Variants in SASH1 observed in about 807,000 individuals in gnomAD.
SASH1 encodes SAM and SH3 domain-containing protein 1.
Under a neutral mutation model 125.2 loss-of-function variants are expected in SASH1, and 44 were observed. That is an observed-to-expected ratio of 0.35 (90% confidence interval 0.28 to 0.45). The LOEUF is 0.45. SASH1 is among the 20% of genes least tolerant of loss of function. SASH1 has a pLI of 1.00. For missense variants in SASH1, 1,426 were observed against 1,614.5 expected, an observed-to-expected ratio of 0.88 and a Z score of 2.00; for synonymous variants, 639 against 649.1, an observed-to-expected ratio of 0.98 and a Z score of 0.24.
At chr6:148,216,947 G>C in the SASH1 span, among the ~76,000 whole-genome samples, 1 of 151,932 alleles carries the variant, frequency 6.6e-6, no homozygotes, top group African/African-American at 2.4e-5. Flanking sequence ...GGCTGGTCTC[G>C]ATCTCCTGAC....
chr6:148,466,748 T>C lies in SASH1; in HGVS notation c.387-1797T>C, dbSNP rs530495490. On this transcript the variant is annotated intron_variant, in intron 4 of 19. Transcript: ENST00000367467. ...ATACCCAGTTGAACTTTTTAGAAGT[T>C]TTTTTTTTAAAGAGACAGTGTCTCA... is the stretch of plus-strand genomic sequence containing the variant. Among the ~76,000 whole-genome samples the C allele has an allele frequency of 1.2e-3, 180 of 151,372 alleles. 2 individuals carry two copies. The highest frequency in any genetic ancestry group is 4.5e-3 in the Admixed American group (69 of 15,188).
At chr6:148,539,849 G>C (rs55670014) in intron 16 of SASH1, among the ~76,000 whole-genome samples, 1 of 152,024 alleles carries the variant, frequency 6.6e-6, no homozygotes, top group East Asian at 1.9e-4. Flanking sequence ...TTTGTGCCTC[G>C]TCTTGCCAGC....
chr6:148,519,402 G>A lies in SASH1; in HGVS notation c.863-145G>A. The A allele has an allele frequency of 3.2e-6, 2 of 626,506 alleles. No homozygotes were observed. The allele number at this position is 626,506 out of a possible 1,614,324, so 38.8% of individuals were successfully genotyped here. A position where few individuals can be genotyped will look rare whatever the true frequency, so the allele number is the denominator to read the frequency against. On this transcript the variant is annotated intron_variant, in intron 9 of 19. Coordinates refer to ENST00000367467, the MANE Select transcript of SASH1 (RefSeq NM_015278.5). The surrounding 1 kb of genome is among the most constrained non-coding windows in gnomAD (Gnocchi z 4.8). ...ATGTGAAACCATGTATTTGCACAGT[G>A]TATTTTCATTTTTCTGTACATATGT...
intron 2 of SASH1, among the ~76,000 whole-genome samples, chr6:148,408,404 C>A (rs531056454): frequency 2.0e-5 from 3 of 152,080 alleles, no homozygotes; most frequent in African/African-American, 7.2e-5. Context: ...CCACGCCCAG[C>A]GCATCTTTTC....
chr6:148,402,461 C>T (rs981468922), intron 2 of SASH1, among the ~76,000 whole-genome samples: 1 of 151,998 alleles, frequency 6.6e-6, no homozygotes, highest in African/African-American at 2.4e-5. Flanking sequence ...AGGCGTGTAC[C>T]ACCATGCCGG....
chr6:148,453,951 G>A (rs1206988236), intron 4 of SASH1, among the ~76,000 whole-genome samples: 1 of 152,174 alleles, frequency 6.6e-6, no homozygotes. Flanking sequence ...AGCCCGTGCT[G>A]GCTGCACAGG....
intron 4 of SASH1, among the ~76,000 whole-genome samples, chr6:148,442,520 T>TTC (rs149857765): frequency 3.3e-5 from 5 of 150,296 alleles, no homozygotes; most frequent in African/African-American, 7.3e-5. Context: ...CTCCTGAGCT[T>TTC]TCTCTCTCTC....
At position 148,487,678 on chromosome 6, in the gene SASH1, G is replaced by T; in HGVS notation, c.692G>T (p.Gly231Val). Reference protein sequence around the residue: ...AALDPADWPDGSYPTFDGSSN... With the variant: ...AALDPADWPDVSYPTFDGSSN... ...CTGGACCCTGCTGACTGGCCAGATG[G>T]TTCTTACCCAACGTTTGATGGCTCA... Residue 231 changes from glycine (G) to valine (V), a missense_variant, in exon 8 of 20, where the codon GGT (glycine) becomes GTT (valine). By Grantham distance (109) the Gly-to-Val change is moderately radical. Transcript: ENST00000367467. 1 of 1,613,644 alleles carries T rather than the reference G, an allele frequency of 6.2e-7. No individual in the cohort carries two copies. Among genetic ancestry groups the T allele is most frequent in the Non-Finnish European group, 8.5e-7 (1 of 1,179,780 alleles).
intron 1 of SASH1, among the ~76,000 whole-genome samples, chr6:148,375,588 A>C (rs1782860713): frequency 6.6e-6 from 1 of 152,228 alleles, no homozygotes; most frequent in South Asian, 2.1e-4. Flanking sequence ...AATTGAGATC[A>C]TCTTGAGGGG....
At chr6:148,351,193 T>C (rs1477911658) in intron 1 of SASH1, among the ~76,000 whole-genome samples, 3 of 17,074 alleles carry the variant, frequency 1.8e-4, no homozygotes, top group Non-Finnish European at 4.4e-4. Flanking sequence ...CGATAGTAGT[T>C]TTTTTTTTTT....
In SASH1 at chr6:148,537,776, C is replaced by CTGTGTGTGTGTG. The variant is rs55644027; in HGVS notation, c.2096-2622_2096-2611dup. Among the ~76,000 whole-genome samples the CTGTGTGTGTGTG allele has an allele frequency of 7.9e-3, 992 of 125,622 alleles. 11 individuals carry two copies. Among genetic ancestry groups the CTGTGTGTGTGTG allele is most frequent in the Middle Eastern group, 0.016 (4 of 246 alleles). The allele number at this position is 125,622 out of a possible 152,430, so 82.4% of individuals were successfully genotyped here. ...ATATTCATAGGTGTCTTAGCATATT[C>CTGTGTGTGTGTG]TGTGTGTGTGTGTGTGTGTGTGTGT... On this transcript the variant is annotated intron_variant, in intron 16 of 19. Transcript: ENST00000367467.
chr6:148,250,572 T>TA, the SASH1 span, among the ~76,000 whole-genome samples: 9,447 of 141,306 alleles, frequency 0.067, 328 homozygotes, highest in Admixed American at 0.1. Flanking sequence ...GCCTTAGTCT[T>TA]AAAAAAAAAA....
intron 8 of SASH1, among the ~76,000 whole-genome samples, chr6:148,502,572 T>C (rs1255939667): frequency 1.3e-5 from 2 of 152,298 alleles, no homozygotes; most frequent in East Asian, 3.9e-4. Context: ...GGACTTTCGG[T>C]GCTTCACTTT....
At chr6:148,280,722 C>T (rs966442414) in intron 1 of SASH1, among the ~76,000 whole-genome samples, 5 of 152,034 alleles carry the variant, frequency 3.3e-5, no homozygotes, top group Admixed American at 6.6e-5. Context: ...GCAGGAGATT[C>T]GCTTGAGCCT....
the SASH1 span, among the ~76,000 whole-genome samples, chr6:148,262,181 C>T: frequency 2.0e-5 from 3 of 152,186 alleles, no homozygotes; most frequent in African/African-American, 4.8e-5. Context: ...GTGCTTAAAA[C>T]TGAACTGACA....
At chr6:148,321,260 G>A (rs1478394140) in intron 1 of SASH1, among the ~76,000 whole-genome samples, 3 of 151,952 alleles carry the variant, frequency 2.0e-5, no homozygotes, top group African/African-American at 4.8e-5. Context: ...GCGTGGTGGC[G>A]CATGCCTGTA....
chr6:148,345,962 C>T (rs113875287), intron 1 of SASH1, among the ~76,000 whole-genome samples: 17 of 152,250 alleles, frequency 1.1e-4, no homozygotes, highest in Admixed American at 4.6e-4. Flanking sequence ...ATTCTTTTTC[C>T]GTACTGAACT....
At chr6:148,253,193 G>A in the SASH1 span, among the ~76,000 whole-genome samples, 2 of 152,224 alleles carry the variant, frequency 1.3e-5, no homozygotes, top group South Asian at 2.1e-4. Context: ...TTACTACAAC[G>A]CTACAATGTG....
At chr6:148,476,078 TAAGTA>T (rs1778326636) in intron 7 of SASH1, among the ~76,000 whole-genome samples, 1 of 151,980 alleles carries the variant, frequency 6.6e-6, no homozygotes, top group Non-Finnish European at 1.5e-5. Context: ...TTAGAACTGA[TAAGTA>T]AAGTTGCAGG....
Sources: gnomAD v4.1 joint callset for allele counts (sites outside exome capture counted in the v4.1 genomes callset) on GRCh38, gnomAD v4.1.1 for gene constraint, Gnocchi (gnomAD v3.1) non-coding constraint, MANE v1.5 for transcripts, NCBI Gene and HGNC (gene_info 2026-07-23, HGNC 2026-07-21) for gene names.